The following RETREG1 variants were observed in gnomAD, a reference collection of about 807,000 sequenced individuals.
RETREG1 encodes the protein reticulophagy regulator 1, also known as family with sequence similarity 134 member B.
In RETREG1, 44 loss-of-function variants were observed where a neutral mutation model predicts 54.8. That is an observed-to-expected ratio of 0.80 (90% CI 0.63 to 1.03). The LOEUF (loss-of-function observed/expected upper bound fraction) is 1.03. Ranked by LOEUF, RETREG1 falls within the 50% of genes least tolerant of loss-of-function variation. The probability of loss-of-function intolerance (pLI) is 0.00; values close to 1 mark genes in which losing one functional copy is unlikely to be tolerated. For synonymous variants in RETREG1, 217 were observed against 238.5 expected (o/e 0.91, Z 0.83); for missense variants, 554 against 605.1 (o/e 0.92, Z 0.89).
At chr5:16,494,873 A>G (rs1415466335) in intron 3 of RETREG1, among the ~76,000 whole-genome samples, 1 of 152,202 alleles carries the variant, frequency 6.6e-6, no homozygotes, top group Non-Finnish European at 1.5e-5. Context: ...AGCTCAAAAG[A>G]AGACAGATGG....
chr5:16,533,090 G>A (rs1192560574), intron 3 of RETREG1, among the ~76,000 whole-genome samples: 1 of 151,928 alleles, frequency 6.6e-6, no homozygotes, highest in Non-Finnish European at 1.5e-5. Context: ...TCTCGCCCAG[G>A]CTGGAGTGCA....
At position 16,475,095 on chromosome 5, in the gene RETREG1, C is replaced by CAACTGTTCCTTCT. The variant is rs751021128; in HGVS notation, c.1127_1139dup (p.Asp381GlufsTer27). 6.2e-7 allele frequency: 1 copy of CAACTGTTCCTTCT among 1,613,904 alleles called. No homozygotes were observed. The highest frequency in any genetic ancestry group is 1.7e-5 in the Admixed American group (1 of 59,934). Reference sequence around the variant, plus strand: ...CTTTGCTTGGTCTGTGACCACTGTCCAACTGTTCCTTCTTTCTCTTGAGCT... The same window carrying CAACTGTTCCTTCT: ...CTTTGCTTGGTCTGTGACCACTGTCCAACTGTTCCTTCTAACTGTTCCTTCTTTCTCTTGAGCT... On this transcript the variant is annotated frameshift_variant, in exon 9 of 9. Coordinates refer to ENST00000306320, the MANE Select transcript of RETREG1 (RefSeq NM_001034850.3). LOFTEE classifies it high-confidence loss of function.
intron 3 of RETREG1, among the ~76,000 whole-genome samples, chr5:16,544,182 G>C (rs1011943323): frequency 6.6e-6 from 1 of 151,948 alleles, no homozygotes; most frequent in Non-Finnish European, 1.5e-5. Flanking sequence ...TGCCGTGTTG[G>C]CCAGGCTGGT....
chr5:16,554,183 C>T (rs916737002), intron 3 of RETREG1, among the ~76,000 whole-genome samples: 30 of 152,218 alleles, frequency 2.0e-4, no homozygotes, highest in Non-Finnish European at 1.3e-4. Flanking sequence ...TCACCCCAAT[C>T]CTGTGAGACT....
At chr5:16,504,469 T>C (rs961107939) in intron 3 of RETREG1, among the ~76,000 whole-genome samples, 4 of 152,108 alleles carry the variant, frequency 2.6e-5, no homozygotes, top group African/African-American at 9.7e-5. Flanking sequence ...ATAGAGCAGA[T>C]TCCATGACAT....
chr5:16,517,216 C>T (rs1035331893), intron 3 of RETREG1, among the ~76,000 whole-genome samples: 2 of 133,796 alleles, frequency 1.5e-5, no homozygotes, highest in Non-Finnish European at 3.3e-5. Flanking sequence ...AGGCAGAATG[C>T]AGCTTACATC....
At position 16,481,062 on chromosome 5, in the gene RETREG1, A is replaced by T. The variant is rs1298604346; in HGVS notation, c.617T>A (p.Phe206Tyr). Residue 206 changes from phenylalanine to tyrosine, a missense_variant, in exon 5 of 9, where the codon TTT becomes TAT. Transcript: ENST00000306320. ...AATGTAACTTCCCAAGATCGTAAAA[A>T]ATGTGCACACACTACAGACCAGGAG... ...FCLLVCSVCT[F>Y]FTILGSYIPG... 6.2e-6 allele frequency: 10 copies of T among 1,611,944 alleles called. No individual in the cohort carries two copies. Among genetic ancestry groups the T allele is most frequent in the Non-Finnish European group, 8.5e-6 (10 of 1,178,526 alleles).
At chr5:16,506,115 G>T (rs984391073) in intron 3 of RETREG1, among the ~76,000 whole-genome samples, 3 of 152,240 alleles carry the variant, frequency 2.0e-5, no homozygotes, top group African/African-American at 4.8e-5. Flanking sequence ...ACCAGGGCAC[G>T]CATGGCAGTC....
chr5:16,514,567 A>T (rs1215271023), intron 3 of RETREG1, among the ~76,000 whole-genome samples: 2 of 152,140 alleles, frequency 1.3e-5, no homozygotes, highest in Non-Finnish European at 2.9e-5. Context: ...TTAGGGAACA[A>T]GTGGTATTTG....
chr5:16,547,457 C>G (rs1024020250), intron 3 of RETREG1, among the ~76,000 whole-genome samples: 7 of 152,200 alleles, frequency 4.6e-5, no homozygotes, highest in Non-Finnish European at 1.0e-4. Flanking sequence ...AACCATCTTC[C>G]CGCAGAGCCT....
At chr5:16,559,464 C>T (rs1173091509) in intron 3 of RETREG1, among the ~76,000 whole-genome samples, 1 of 152,200 alleles carries the variant, frequency 6.6e-6, no homozygotes, top group African/African-American at 2.4e-5. Flanking sequence ...GCAGAGAGCA[C>T]ACCGCTAGGG....
At position 16,561,759 on chromosome 5, in the gene RETREG1, GAC is replaced by G. The variant is rs1196781849; in HGVS notation, c.458+4002_458+4003del. Among the ~76,000 whole-genome samples, 1 of 152,188 alleles carries G rather than the reference GAC, an allele frequency of 6.6e-6. No homozygotes were observed. Among genetic ancestry groups the G allele is most frequent in the Non-Finnish European group, 1.5e-5 (1 of 68,032 alleles). On this transcript the variant is annotated intron_variant, in intron 3 of 8. Coordinates refer to ENST00000306320, the MANE Select transcript of RETREG1 (RefSeq NM_001034850.3). The surrounding 1 kb of genome is among the most constrained non-coding windows in gnomAD (Gnocchi z 4.2). ...CACTCAAACAGCTTCTGTATTAAGA[GAC>G]AGCACAGCAGAAATTCTCACATGCA...
chr5:16,496,817 C>T (rs1579607503), intron 3 of RETREG1, among the ~76,000 whole-genome samples: 2 of 152,196 alleles, frequency 1.3e-5, no homozygotes, highest in African/African-American at 4.8e-5. Flanking sequence ...CCATTAGACA[C>T]TAAAGGGCCA....
intron 3 of RETREG1, among the ~76,000 whole-genome samples, chr5:16,565,049 C>T (rs1033524036): frequency 2.0e-5 from 3 of 152,074 alleles, no homozygotes; most frequent in Non-Finnish European, 4.4e-5. Context: ...AAAATCAATT[C>T]CTACAAAAAT....
chr5:16,560,220 A>T (rs1211042406), intron 3 of RETREG1, among the ~76,000 whole-genome samples: 1 of 152,242 alleles, frequency 6.6e-6, no homozygotes, highest in African/African-American at 2.4e-5. Flanking sequence ...ATAAGTGTAC[A>T]TATCTACTAC....
At chr5:16,613,838 A>G (rs918494948) in intron 1 of RETREG1, among the ~76,000 whole-genome samples, 2 of 151,982 alleles carry the variant, frequency 1.3e-5, no homozygotes, top group African/African-American at 2.4e-5. Context: ...ATCATTTGAG[A>G]AGAAATACAT....
rs1238966201 is a variant in RETREG1 at position 16,492,093 on chromosome 5, C to G, written c.459-8621G>C. Among the ~76,000 whole-genome samples, 5 of 152,132 alleles carry G rather than the reference C, an allele frequency of 3.3e-5. No homozygotes were observed. In the East Asian group the frequency reaches 9.7e-4, roughly 29 times the overall value. On this transcript the variant is annotated intron_variant, in intron 3 of 8. Transcript: ENST00000306320. ...GAACTGGGCCCTGACGAATATCCAA[C>G]CTTCACATGAAATATCAGAGAAAAA...
chr5:16,588,598 A>G (rs890403782), intron 1 of RETREG1, among the ~76,000 whole-genome samples: 2 of 152,192 alleles, frequency 1.3e-5, no homozygotes, highest in Non-Finnish European at 1.5e-5. Flanking sequence ...CTGAGGACAT[A>G]TCCACATCCT....
chr5:16,616,869 CG>C lies in RETREG1; in HGVS notation c.102del (p.Ala35GlnfsTer34). On this transcript the variant is annotated frameshift_variant, in exon 1 of 9. Transcript: ENST00000306320. LOFTEE classifies it high-confidence loss of function. Reference sequence around the variant, plus strand: ...TCCTCCTCCTGCTGCTGCCGCTCTGCGGGGGATGCCTGGGGCGGTGGCGGCG... The same window carrying C: ...TCCTCCTCCTGCTGCTGCCGCTCTGCGGGGATGCCTGGGGCGGTGGCGGCG... ...PPSPPPPQASPAERQQQEEEA... is the reference protein window; with the variant it reads ...PPSPPPPQASXAERQQQEEEA... The C allele has an allele frequency of 1.3e-6, 2 of 1,501,210 alleles. No homozygotes were observed. The highest frequency in any genetic ancestry group is 4.2e-5 in the Admixed American group (2 of 47,222). The allele number at this position is 1,501,210 out of a possible 1,614,324, so 93.0% of individuals were successfully genotyped here. A position where few individuals can be genotyped will look rare whatever the true frequency, so the allele number is the denominator to read the frequency against.
Sources: allele counts gnomAD v4.1 joint callset (sites outside exome capture counted in the v4.1 genomes callset), GRCh38; gene constraint gnomAD v4.1.1; non-coding constraint Gnocchi (gnomAD v3.1); transcripts MANE v1.5; gene names NCBI Gene and HGNC (gene_info 2026-07-23, HGNC 2026-07-21).